The following PATJ variants were observed in gnomAD, a reference collection of about 807,000 sequenced individuals.
PATJ encodes the protein PATJ crumbs cell polarity complex component, also known as inaD-like protein.
A neutral mutation model predicts 224.9 loss-of-function variants in PATJ; 190 were observed. That is an observed-to-expected ratio of 0.84 (90% CI 0.75 to 0.95). The LOEUF (loss-of-function observed/expected upper bound fraction) is 0.95. Ranked by LOEUF, PATJ falls within the 40% of genes least tolerant of loss-of-function variation. The probability of loss-of-function intolerance (pLI) is 0.00; values close to 1 mark genes in which losing one functional copy is unlikely to be tolerated. For synonymous variants in PATJ, 769 were observed against 820.3 expected, an observed-to-expected ratio of 0.94 and a Z score of 1.07; for missense variants, 2,121 against 2,270.3, an observed-to-expected ratio of 0.93 and a Z score of 1.34.
intron 26 of PATJ, among the ~76,000 whole-genome samples, chr1:61,927,112 G>A (rs988903468): frequency 2.6e-5 from 4 of 152,106 alleles, no homozygotes; most frequent in Admixed American, 1.3e-4. Context: ...TTGATGTGCT[G>A]TATCATTTGG....
At chr1:62,035,408 A>G (rs1298744367) in intron 29 of PATJ, among the ~76,000 whole-genome samples, 1 of 152,192 alleles carries the variant, frequency 6.6e-6, no homozygotes, top group African/African-American at 2.4e-5. Context: ...ACTGTGCTTC[A>G]TTCCACAAAA....
chr1:62,032,737 C>CT (rs1380028009), intron 29 of PATJ, among the ~76,000 whole-genome samples: 1 of 152,084 alleles, frequency 6.6e-6, no homozygotes, highest in Non-Finnish European at 1.5e-5. Flanking sequence ...ATTGAGATCC[C>CT]TTGAGTAGTG....
intron 12 of PATJ, among the ~76,000 whole-genome samples, chr1:61,804,564 T>C (rs1653152786): frequency 1.3e-5 from 2 of 152,212 alleles, no homozygotes; most frequent in African/African-American, 4.8e-5. Flanking sequence ...ACTTGTTTAA[T>C]CTTAAGACAA....
intron 26 of PATJ, among the ~76,000 whole-genome samples, chr1:61,916,504 G>C (rs1034022880): frequency 7.9e-5 from 12 of 152,172 alleles, no homozygotes; most frequent in African/African-American, 2.2e-4. Flanking sequence ...GTGTTTAGTA[G>C]AAGTAATGAT....
At chr1:62,041,651 C>A (rs1651500157) in intron 30 of PATJ, among the ~76,000 whole-genome samples, 1 of 152,186 alleles carries the variant, frequency 6.6e-6, no homozygotes, top group Admixed American at 6.5e-5. Flanking sequence ...CAAAGAATAG[C>A]TGTTCTGAAA....
At chr1:61,821,024 G>C (rs1223504037) in intron 14 of PATJ, among the ~76,000 whole-genome samples, 2 of 151,878 alleles carry the variant, frequency 1.3e-5, no homozygotes, top group African/African-American at 4.8e-5. Flanking sequence ...ACAAGAGAGG[G>C]AACGGGAGGA....
intron 43 of PATJ, among the ~76,000 whole-genome samples, chr1:62,160,337 T>TCCAC: frequency 6.6e-6 from 1 of 152,278 alleles, no homozygotes; most frequent in Non-Finnish European, 1.5e-5. Context: ...AGTGGAAGGT[T>TCCAC]TTGAATATAT....
intron 27 of PATJ, among the ~76,000 whole-genome samples, chr1:61,989,251 C>G (rs113038102): frequency 1.3e-5 from 2 of 152,228 alleles, no homozygotes; most frequent in South Asian, 4.1e-4. Context: ...AACTATGAGC[C>G]GCTAAGCCCT....
intron 7 of PATJ, among the ~76,000 whole-genome samples, chr1:61,781,216 C>A (rs1390140369): frequency 6.6e-6 from 1 of 152,160 alleles, no homozygotes; most frequent in African/African-American, 2.4e-5. Context: ...CTGATATACA[C>A]CTGTGCACAA....
At chr1:61,887,693 C>T (rs1013065225) in intron 22 of PATJ, among the ~76,000 whole-genome samples, 11 of 152,098 alleles carry the variant, frequency 7.2e-5, no homozygotes, top group African/African-American at 2.4e-4. Context: ...TAGCAGATTC[C>T]ATGCAGCATG....
At chr1:62,064,021 G>C (rs1570407309) in intron 31 of PATJ, among the ~76,000 whole-genome samples, 1 of 152,284 alleles carries the variant, frequency 6.6e-6, no homozygotes, top group East Asian at 1.9e-4. Flanking sequence ...GCTCTGGCTA[G>C]CACTTCCAGT....
rs530806986 is a variant in PATJ, at chr1:62,148,482, T to C, written c.5378+92T>C. On this transcript the variant is annotated intron_variant, in intron 42 of 43. Coordinates refer to ENST00000642238, the MANE Select transcript of PATJ (RefSeq NM_001350145.3). ...ACTCAAGTGCACTCTAAAGGAGAAG[T>C]GGCCAAAGCGCCCGTGACTTTTTCT... 1.0e-5 allele frequency: 9 copies of C among 869,598 alleles called. No individual in the cohort carries two copies. The African/African-American group carries it at 1.2e-4, about 11-fold the overall frequency. 53.9% of individuals were successfully genotyped at this position (869,598 alleles called of 1,614,324 possible).
chr1:61,849,517 C>T (rs1570884286), intron 17 of PATJ, among the ~76,000 whole-genome samples: 1 of 152,264 alleles, frequency 6.6e-6, no homozygotes, highest in East Asian at 1.9e-4. Flanking sequence ...CACTTAAGCC[C>T]AGGAGGTCGA....
rs1214476023 is a variant in PATJ at position 61,754,796 on chromosome 1, G to T, written c.-35-8062G>T. 2.0e-5 allele frequency among the ~76,000 whole-genome samples: 3 copies of T among 152,016 alleles called. No individual in the cohort carries two copies. The East Asian group carries it at 5.8e-4, about 29-fold the overall frequency. Reference sequence around the variant, plus strand: ...GTCAGAGACCTGAGTTTCATGATGAGCACCTGTAGTCCCAGCGACTCAAGA... The same window carrying T: ...GTCAGAGACCTGAGTTTCATGATGATCACCTGTAGTCCCAGCGACTCAAGA... On this transcript the variant is annotated intron_variant, in intron 1 of 43. Coordinates refer to ENST00000642238, the MANE Select transcript of PATJ (RefSeq NM_001350145.3).
chr1:62,133,574 G>T (rs547367561), intron 41 of PATJ, among the ~76,000 whole-genome samples: 1 of 152,004 alleles, frequency 6.6e-6, no homozygotes, highest in Non-Finnish European at 1.5e-5. Context: ...GTGAGACACC[G>T]TCTCGAGAAA....
At chr1:61,858,248 G>A (rs189905603) in intron 18 of PATJ, among the ~76,000 whole-genome samples, 1 of 152,014 alleles carries the variant, frequency 6.6e-6, no homozygotes, top group East Asian at 1.9e-4. Context: ...TGGGGTGGGG[G>A]ATGCCACAGA....
chr1:62,114,069 TGA>T lies in PATJ; in HGVS notation c.4480_4481del (p.Arg1494GlufsTer24), dbSNP rs754453470. 9 of 1,614,048 alleles carry T rather than the reference TGA, an allele frequency of 5.6e-6. No individual in the cohort carries two copies. Among genetic ancestry groups the T allele is most frequent in the Non-Finnish European group, 7.6e-6 (9 of 1,179,956 alleles). ...TTGTTCCAGGTTAATGGGGTTGACC[TGA>T]GGAACTCCAGCCACGAAGAAGCCAT... On this transcript the variant is annotated frameshift_variant, in exon 35 of 44. Transcript: ENST00000642238. LOFTEE classifies it high-confidence loss of function.
chr1:61,954,096 GTTAC>G (rs1284960839), intron 27 of PATJ, among the ~76,000 whole-genome samples: 1 of 152,142 alleles, frequency 6.6e-6, no homozygotes, highest in African/African-American at 2.4e-5. Flanking sequence ...TTATATGTAA[GTTAC>G]TTTTTCAGTG....
In PATJ at chr1:62,084,552, G is replaced by C. The variant is rs750794379; in HGVS notation, c.4281G>C (p.Thr1427=). 2.5e-6 allele frequency: 4 copies of C among 1,613,226 alleles called. No individual in the cohort carries two copies. The East Asian group carries it at 6.7e-5, about 27-fold the overall frequency. The change falls in exon 33 of 44, where the codon ACG becomes ACC. Residue 1427 remains threonine (T), a synonymous_variant. Coordinates refer to ENST00000642238, the MANE Select transcript of PATJ (RefSeq NM_001350145.3). ...CTCCTCTGTCAGTGGACCCCGCAAC[G>C]TGTCCCATTGTCCCTGGACAGGAAA... ...FQAPLSVDPA[T]CPIVPGQEMI... is the part of the protein sequence containing the mutation.
Sources: gnomAD v4.1 joint callset for allele counts (sites outside exome capture counted in the v4.1 genomes callset) on GRCh38, gnomAD v4.1.1 for gene constraint, MANE v1.5 for transcripts, NCBI Gene and HGNC (gene_info 2026-07-23, HGNC 2026-07-21) for gene names.